Variants in ROBO4 observed in about 807,000 individuals in gnomAD.
ROBO4 encodes the protein roundabout homolog 4.
ROBO4 carries 80 observed loss-of-function variants against 103.3 expected under a neutral mutation model. That is an observed-to-expected ratio of 0.77 (90% CI 0.65 to 0.93). The LOEUF (loss-of-function observed/expected upper bound fraction) is 0.93. Among genes scored for constraint, ROBO4 ranks in the 40% least tolerant of loss-of-function variants. The pLI, the probability that ROBO4 is intolerant of heterozygous loss-of-function variation, is 0.00. For synonymous variants in ROBO4, 504 were observed against 529.7 expected (o/e 0.95, Z 0.67); for missense variants, 1,333 against 1,305.3 (o/e 1.02, Z -0.33).
At position 124,887,413 on chromosome 11, in the gene ROBO4, G is replaced by A. The variant is rs990952264; in HGVS notation, c.2143C>T (p.Pro715Ser). ...TCATGAGGAAAGAGGGGTGCTGGAG[G>A]GAGATGACGAGTAACCAGCTCATTT... is the stretch of plus-strand genomic sequence containing the variant. ...SSNELVTRHL[P>S]PAPLFPHETP... The change falls in exon 14 of 18, where the codon CCT becomes TCT. Residue 715 changes from proline (P) to serine (S), a missense_variant. Physicochemically the swap from Pro to Ser is moderately conservative, Grantham distance 74 (BLOSUM62 -1). Transcript: ENST00000306534. 1.2e-5 allele frequency: 20 copies of A among 1,614,064 alleles called. No individual in the cohort carries two copies. The East Asian group carries it at 4.0e-4, about 32-fold the overall frequency.
At chr11:124,893,510 G>T (rs1946830485) in intron 10 of ROBO4, among the ~76,000 whole-genome samples, 178 bp downstream of exon 10, 1 of 152,200 alleles carries the variant, frequency 6.6e-6, no homozygotes, top group African/African-American at 2.4e-5. Flanking sequence ...TCTGTCAAGT[G>T]GTGTGATAGG....
In ROBO4 at chr11:124,895,932, G is replaced by A. The variant is rs759547099; in HGVS notation, c.680-20C>T. 4.3e-6 allele frequency: 7 copies of A among 1,612,612 alleles called. No individual in the cohort carries two copies. The highest frequency in any genetic ancestry group is 5.9e-6 in the Non-Finnish European group (7 of 1,179,974). On this transcript the variant is annotated intron_variant, in intron 4 of 17. Coordinates refer to ENST00000306534, the MANE Select transcript of ROBO4 (RefSeq NM_019055.6). ...GGGGCTCTGTGGGGAGGATAGGGCT[G>A]GGCTGGGGCTTATAGGCCAGAGTGA...
At position 124,886,597 on chromosome 11, in the gene ROBO4, G is replaced by T. The variant is rs750662475; in HGVS notation, c.2661C>A (p.Ser887Arg). 1 of 1,614,184 alleles carries T rather than the reference G, an allele frequency of 6.2e-7. No homozygotes were observed. Among genetic ancestry groups the T allele is most frequent in the Admixed American group, 1.7e-5 (1 of 60,034 alleles). ...WGSASEDNAA[S>R]ARASLVSSSD... Reference sequence around the variant, plus strand: ...AGGAGCTGACAAGGCTGGCTCTGGCGCTGGCGGCATTGTCCTCAGAGGCTG... The same window carrying T: ...AGGAGCTGACAAGGCTGGCTCTGGCTCTGGCGGCATTGTCCTCAGAGGCTG... The change falls in exon 16 of 18, where the codon AGC (serine) becomes AGA (arginine). Residue 887 changes from serine to arginine, a missense_variant. By Grantham distance (110) the Ser-to-Arg change is moderately radical (BLOSUM62 -1). Transcript: ENST00000306534.
chr11:124,890,791 A>G (rs1216435798), intron 12 of ROBO4, among the ~76,000 whole-genome samples: 1 of 152,268 alleles, frequency 6.6e-6, no homozygotes, highest in Non-Finnish European at 1.5e-5. Context: ...TTCCTCTCTG[A>G]GAAGTGAGTT....
At position 124,896,288 on chromosome 11, in the gene ROBO4, C is replaced by CT. The variant is rs778317988; in HGVS notation, c.588dup (p.Ala197SerfsTer5). 1.9e-6 allele frequency: 3 copies of CT among 1,614,046 alleles called. No individual in the cohort carries two copies. The highest frequency in any genetic ancestry group is 2.5e-6 in the Non-Finnish European group (3 of 1,180,040). On this transcript the variant is annotated frameshift_variant, in exon 4 of 18. Coordinates refer to ENST00000306534, the MANE Select transcript of ROBO4 (RefSeq NM_019055.6). LOFTEE classifies it high-confidence loss of function. ...TAGGTCCCTTCGTCACTCTTCTCTG[C>CT]TCTTGCCATCAGCAGGGACCCCCCG...
At chr11:124,890,014 C>T (rs546469632) in intron 12 of ROBO4, among the ~76,000 whole-genome samples, 1 of 152,250 alleles carries the variant, frequency 6.6e-6, no homozygotes, top group East Asian at 1.9e-4. Context: ...GAATTGGAAC[C>T]CTTCTTAAGA....
rs771453305 is a variant in ROBO4 at position 124,891,717 on chromosome 11, T to C, written c.1633A>G (p.Ser545Gly). 6.2e-7 allele frequency: 1 copy of C among 1,614,158 alleles called. No individual in the cohort carries two copies. The highest frequency in any genetic ancestry group is 1.7e-5 in the Admixed American group (1 of 60,026). The change falls in exon 11 of 18, where the codon AGC becomes GGC. Residue 545 changes from serine (S) to glycine (G), a missense_variant. Transcript: ENST00000306534. ...CGGGCATCCGCCCCCAGCCGACTGC[T>C]GAGGCTGCTGCTGCTGCTCAGGTCC... ...SRDLSSSSSL[S>G]SRLGADARDP...
chr11:124,894,140 G>A (rs1235734488), intron 8 of ROBO4, 61 bp downstream of exon 8: 4 of 1,563,464 alleles, frequency 2.6e-6, no homozygotes, highest in Non-Finnish European at 3.5e-6. Context: ...GCGGGAGCAG[G>A]GAGAGAGGAA....
chr11:124,889,186 T>A (rs535805156), intron 12 of ROBO4, among the ~76,000 whole-genome samples: 1 of 152,318 alleles, frequency 6.6e-6, no homozygotes, highest in East Asian at 1.9e-4. Context: ...GCTGTTTGGT[T>A]TTTATTGATT....
rs1235457778 is a variant in ROBO4, at chr11:124,895,779, C to T, written c.807+6G>A. On this transcript the variant is annotated splice_donor_region_variant and intron_variant, in intron 5 of 17. Transcript: ENST00000306534. Reference sequence around the variant, plus strand: ...TCGGCTTTTACCCTTAGCACCTGGTCCTCACCTTCCAGCTGAGCCACACCG... The same window carrying T: ...TCGGCTTTTACCCTTAGCACCTGGTTCTCACCTTCCAGCTGAGCCACACCG... 6.2e-7 allele frequency: 1 copy of T among 1,614,126 alleles called. No homozygotes were observed. Among genetic ancestry groups the T allele is most frequent in the Non-Finnish European group, 8.5e-7 (1 of 1,180,036 alleles).
Position 124,891,430 on chromosome 11 carries a change from C to A in ROBO4, c.1817G>T (p.Arg606Leu), listed in dbSNP as rs149507368. 1 of 1,592,010 alleles carries A rather than the reference C, an allele frequency of 6.3e-7. No individual in the cohort carries two copies. Among genetic ancestry groups the A allele is most frequent in the East Asian group, 2.2e-5 (1 of 44,684 alleles). ...RPSPQVPAVR[R>L]LPPQLAQLSS... Reference sequence around the variant, plus strand: ...GAGCTGGGCCAGCTGGGGTGGGAGGCGCCTGACAGCTGGGACCTGGGGACT... The same window carrying A: ...GAGCTGGGCCAGCTGGGGTGGGAGGAGCCTGACAGCTGGGACCTGGGGACT... The change falls in exon 12 of 18, where the codon CGC becomes CTC. Residue 606 changes from arginine to leucine, a missense_variant. Arg to Leu is a moderately radical substitution (Grantham distance 102). Transcript: ENST00000306534.
rs1194072424 is a variant in ROBO4 at position 124,886,990 on chromosome 11, C to T, written c.2422G>A (p.Glu808Lys). The T allele has an allele frequency of 6.2e-7, 1 of 1,610,710 alleles. No homozygotes were observed. The highest frequency in any genetic ancestry group is 8.5e-7 in the Non-Finnish European group (1 of 1,177,632). ...VALCLELSEG[E>K]ETPRNSVSPM... is the part of the protein sequence containing the mutation. The stretch of plus-strand genomic sequence containing the variant: ...CAAGCTACTCACCTGGGAGTCTCCT[C>T]ACCCTCACTGAGTTCCAAGCACAGG... The change falls in exon 15 of 18, where the codon GAG (glutamate) becomes AAG (lysine). Residue 808 changes from glutamate to lysine, a missense_variant. Physicochemically the swap from Glu to Lys is moderately conservative, Grantham distance 56. Coordinates refer to ENST00000306534, the MANE Select transcript of ROBO4 (RefSeq NM_019055.6).
chr11:124,891,972 C>T (rs953146479), intron 10 of ROBO4, 170 bp from the exon 11 acceptor site: 2 of 809,004 alleles, frequency 2.5e-6, no homozygotes, highest in African/African-American at 1.7e-5. Flanking sequence ...CTGACCTGGT[C>T]CCCTAAACCC....
chr11:124,894,501 T>C, intron 7 of ROBO4, 132 bp from the exon 8 acceptor site: 1 of 818,232 alleles, frequency 1.2e-6, no homozygotes, highest in South Asian at 1.9e-5. Context: ...CCCAATTTCC[T>C]ATTCCCCTCC....
intron 2 of ROBO4, 70 bp from the exon 3 acceptor site, chr11:124,896,740 C>T (rs1324783257): frequency 5.2e-6 from 8 of 1,549,224 alleles, no homozygotes; most frequent in Non-Finnish European, 7.0e-6. Flanking sequence ...CACTCTTGCC[C>T]CCTTCTGCTT....
chr11:124,896,269 C>G lies in ROBO4; in HGVS notation c.608G>C (p.Gly203Ala), dbSNP rs368945089. The G allele has an allele frequency of 6.2e-7, 1 of 1,614,012 alleles. No individual in the cohort carries two copies. Residue 203 changes from glycine (G) to alanine (A), a missense_variant, in exon 4 of 18, where the codon GGG becomes GCG. Transcript: ENST00000306534. The part of the protein sequence containing the change: ...LMARAEKSDE[G>A]TYMCVATNSA... ...GTTGGTGGCCACACACATGTAGGTCCCTTCGTCACTCTTCTCTGCTCTTGC... is the reference window on the plus strand; with the variant it reads ...GTTGGTGGCCACACACATGTAGGTCGCTTCGTCACTCTTCTCTGCTCTTGC...
chr11:124,891,133 T>C (rs1411263848), intron 12 of ROBO4, among the ~76,000 whole-genome samples, 166 bp downstream of exon 12: 1 of 148,968 alleles, frequency 6.7e-6, no homozygotes, highest in African/African-American at 2.6e-5. Flanking sequence ...AGCTGAGTGC[T>C]CTGGTGGTAG....
chr11:124,897,289 T>G (rs958649100), intron 1 of ROBO4, 28 bp from the exon 2 acceptor site: 1 of 1,407,136 alleles, frequency 7.1e-7, no homozygotes, highest in Non-Finnish European at 9.3e-7. Context: ...CAGAGCCCAG[T>G]CTGATCACCA....
At chr11:124,892,435 T>C (rs1946814521) in intron 10 of ROBO4, 1 of 213,572 alleles carries the variant, frequency 4.7e-6, no homozygotes, top group African/African-American at 2.3e-5. Context: ...GGACCTTCCT[T>C]GGTCTGGCTT....
Sources: allele counts gnomAD v4.1 joint callset (sites outside exome capture counted in the v4.1 genomes callset), GRCh38; gene constraint gnomAD v4.1.1; transcripts MANE v1.5; gene names NCBI Gene and HGNC (gene_info 2026-07-23, HGNC 2026-07-21).